GABRB2: variants seen among roughly 807,000 people sequenced by gnomAD.
GABRB2 encodes the protein gamma-aminobutyric acid type A receptor subunit beta2, also known as gamma-aminobutyric acid receptor subunit beta-2.
In GABRB2, 16 loss-of-function variants were observed where a neutral mutation model predicts 54.7. The ratio of observed to expected loss-of-function variants is 0.29; its 90% CI spans 0.20 to 0.44. GABRB2 has a LOEUF of 0.44. Among genes scored for constraint, GABRB2 ranks in the 20% least tolerant of loss-of-function variants. The pLI is 1.00. For synonymous variants in GABRB2, 244 were observed against 233.8 expected (o/e 1.04, Z -0.40); for missense variants, 355 against 644.0 (o/e 0.55, Z 4.86).
chr5:161,455,297 C>T (rs1489788580), intron 4 of GABRB2, among the ~76,000 whole-genome samples: 1 of 152,112 alleles, frequency 6.6e-6, no homozygotes, highest in Non-Finnish European at 1.5e-5. Context: ...AATGGATCAG[C>T]CTGGCTATCC....
At chr5:161,437,696 C>A (rs1306018751) in intron 4 of GABRB2, among the ~76,000 whole-genome samples, 2 of 152,078 alleles carry the variant, frequency 1.3e-5, no homozygotes, top group African/African-American at 4.8e-5. Context: ...CCAGGCCAGG[C>A]AGCATTCACC....
At chr5:161,499,765 T>C (rs1759370436) in intron 3 of GABRB2, among the ~76,000 whole-genome samples, 1 of 152,190 alleles carries the variant, frequency 6.6e-6, no homozygotes, top group African/African-American at 2.4e-5. Context: ...GTCATCATTC[T>C]AGGAGGATGC....
chr5:161,469,035 C>T (rs942922455), intron 3 of GABRB2, among the ~76,000 whole-genome samples: 1 of 151,686 alleles, frequency 6.6e-6, no homozygotes, highest in Non-Finnish European at 1.5e-5. Context: ...ACAATATGCA[C>T]AATATGTCCC....
At chr5:161,304,461 T>C (rs891705159) in intron 9 of GABRB2, among the ~76,000 whole-genome samples, 2 of 152,230 alleles carry the variant, frequency 1.3e-5, no homozygotes, top group African/African-American at 4.8e-5. Context: ...TGCTAGTATT[T>C]CTTTTCCACA....
At chr5:161,394,044 TA>T (rs1247001300) in intron 5 of GABRB2, among the ~76,000 whole-genome samples, 3 of 152,018 alleles carry the variant, frequency 2.0e-5, no homozygotes, top group African/African-American at 7.2e-5. Context: ...AGTATTGAGT[TA>T]AAAATTGTTA....
intron 5 of GABRB2, among the ~76,000 whole-genome samples, chr5:161,357,513 T>C (rs1393515614): frequency 4.4e-5 from 3 of 68,394 alleles, no homozygotes; most frequent in Non-Finnish European, 8.3e-5. Flanking sequence ...GAGTGAGAGT[T>C]TTGAGCAAAA....
intron 3 of GABRB2, among the ~76,000 whole-genome samples, chr5:161,503,934 AC>A (rs951408294): frequency 1.2e-4 from 19 of 152,280 alleles, no homozygotes; most frequent in East Asian, 1.2e-3. Context: ...TTAGACTTCT[AC>A]ATAAGGAACA....
At chr5:161,436,530 C>CG (rs1757313989) in intron 4 of GABRB2, among the ~76,000 whole-genome samples, 1 of 119,690 alleles carries the variant, frequency 8.4e-6, no homozygotes, top group Non-Finnish European at 1.8e-5. Context: ...AAGACGCTGT[C>CG]GAAAAAAAAA....
At chr5:161,356,244 A>G (rs1401814984) in intron 5 of GABRB2, among the ~76,000 whole-genome samples, 2 of 152,228 alleles carry the variant, frequency 1.3e-5, no homozygotes, top group Non-Finnish European at 2.9e-5. Context: ...ATATTGTAGT[A>G]AGAAACCACC....
At chr5:161,455,181 C>T (rs1030828289) in intron 4 of GABRB2, among the ~76,000 whole-genome samples, 1 of 152,186 alleles carries the variant, frequency 6.6e-6, no homozygotes, top group Non-Finnish European at 1.5e-5. Flanking sequence ...AGACTTAGAG[C>T]TCTTGTGCAC....
intron 5 of GABRB2, among the ~76,000 whole-genome samples, chr5:161,338,535 C>T (rs1257881442): frequency 6.6e-6 from 1 of 152,082 alleles, no homozygotes; most frequent in South Asian, 2.1e-4. Flanking sequence ...TGCCTGTAAT[C>T]CCAGCACTTT....
intron 5 of GABRB2, among the ~76,000 whole-genome samples, chr5:161,407,194 G>A (rs1043582466): frequency 6.6e-6 from 1 of 152,114 alleles, no homozygotes; most frequent in African/African-American, 2.4e-5. Context: ...TCTCCTGAGG[G>A]AGGGAGGAGG....
intron 5 of GABRB2, among the ~76,000 whole-genome samples, chr5:161,350,354 A>G (rs567284680): frequency 3.9e-5 from 6 of 152,282 alleles, no homozygotes; most frequent in African/African-American, 1.4e-4. Flanking sequence ...GACTCAAGAA[A>G]TAAAATCAGC....
intron 5 of GABRB2, among the ~76,000 whole-genome samples, chr5:161,387,501 C>A (rs1469160017): frequency 1.3e-5 from 2 of 152,088 alleles, no homozygotes; most frequent in Admixed American, 6.6e-5. Context: ...TCAAACCTAG[C>A]CCTCTGGGTT....
At chr5:161,534,785 A>G (rs967516016) in intron 3 of GABRB2, among the ~76,000 whole-genome samples, 2 of 152,300 alleles carry the variant, frequency 1.3e-5, no homozygotes, top group African/African-American at 4.8e-5. Flanking sequence ...GAAAAACTGG[A>G]AAGAAAAGAA....
intron 5 of GABRB2, among the ~76,000 whole-genome samples, chr5:161,385,253 C>T (rs1218439040): frequency 6.6e-6 from 1 of 152,172 alleles, no homozygotes; most frequent in Non-Finnish European, 1.5e-5. Flanking sequence ...TGCACATATT[C>T]CCCACTGAAT....
chr5:161,336,821 A>AG, intron 5 of GABRB2, 52 bp from the exon 6 acceptor site: 1 of 1,543,938 alleles, frequency 6.5e-7, no homozygotes, highest in Non-Finnish European at 8.7e-7. Flanking sequence ...AAACAAAAAA[A>AG]AAAAAACAGA....
chr5:161,457,323 T>A (rs184275907), intron 4 of GABRB2, among the ~76,000 whole-genome samples: 1 of 152,298 alleles, frequency 6.6e-6, no homozygotes, highest in Admixed American at 6.5e-5. Flanking sequence ...GGTACAGCAA[T>A]AGTGTCCCAG....
chr5:161,308,810 T>C (rs1451021120), intron 9 of GABRB2, among the ~76,000 whole-genome samples: 1 of 152,224 alleles, frequency 6.6e-6, no homozygotes, highest in East Asian at 1.9e-4. Context: ...GCTAGCCATA[T>C]GCAGATGATT....
Sources: gnomAD v4.1 joint callset for allele counts (sites outside exome capture counted in the v4.1 genomes callset) on GRCh38, gnomAD v4.1.1 for gene constraint, MANE v1.5 for transcripts, NCBI Gene and HGNC (gene_info 2026-07-23, HGNC 2026-07-21) for gene names.